ANKRD50: variants seen among roughly 807,000 people sequenced by gnomAD.
The protein encoded by ANKRD50 is ankyrin repeat domain 50, also known as ankyrin repeat domain-containing protein 50.
Under a neutral mutation model 112.0 loss-of-function variants are expected in ANKRD50, and 40 were observed. That is an observed-to-expected ratio of 0.36 (90% confidence interval 0.28 to 0.46). The LOEUF is 0.46. Ranked by LOEUF, ANKRD50 falls within the 20% of genes least tolerant of loss-of-function variation. ANKRD50 has a pLI of 1.00. For missense variants in ANKRD50, 1,487 were observed against 1,701.7 expected, an observed-to-expected ratio of 0.87 and a Z score of 2.22; for synonymous variants, 613 against 619.1, an observed-to-expected ratio of 0.99 and a Z score of 0.15.
chr4:124,687,239 T>C (rs1725026596), intron 2 of ANKRD50, among the ~76,000 whole-genome samples: 1 of 152,196 alleles, frequency 6.6e-6, no homozygotes, highest in Non-Finnish European at 1.5e-5. Context: ...GGTAATTCAA[T>C]TGAGAAAGGC....
chr4:124,668,268 A>C (rs538580685), intron 4 of ANKRD50, among the ~76,000 whole-genome samples: 1 of 152,150 alleles, frequency 6.6e-6, no homozygotes, highest in East Asian at 1.9e-4. Flanking sequence ...AGTGCCCTAA[A>C]TACCAATATT....
At chr4:124,681,552 C>G (rs1222326407) in intron 2 of ANKRD50, among the ~76,000 whole-genome samples, 1 of 152,140 alleles carries the variant, frequency 6.6e-6, no homozygotes, top group Non-Finnish European at 1.5e-5. Flanking sequence ...CTCTTAGCCA[C>G]TATGGTCCAC....
At chr4:124,705,433 A>G (rs1345115833) in intron 2 of ANKRD50, among the ~76,000 whole-genome samples, 3 of 152,224 alleles carry the variant, frequency 2.0e-5, no homozygotes, top group Non-Finnish European at 4.4e-5. Context: ...TCCTATTAAC[A>G]TTACACAGAA....
chr4:124,666,783 A>C lies in ANKRD50; in HGVS notation c.*735T>G, dbSNP rs1175073639. ...AGATGAAATTGTATCCCAGCGGATG[A>C]AATAGGACTTTGTTCTGCCTACAGA... On this transcript the variant is annotated 3_prime_UTR_variant, in exon 5 of 5. Transcript: ENST00000504087. 1 of 152,412 alleles carries C rather than the reference A, an allele frequency of 6.6e-6. No individual in the cohort carries two copies. The highest frequency in any genetic ancestry group is 1.5e-5 in the Non-Finnish European group (1 of 67,900). The allele number at this position is 152,412 out of a possible 1,614,324, so 9.4% of individuals were successfully genotyped here. A position where few individuals can be genotyped will look rare whatever the true frequency, so the allele number is the denominator to read the frequency against.
chr4:124,706,108 TATATGA>T (rs767694202), intron 2 of ANKRD50, among the ~76,000 whole-genome samples: 6 of 152,170 alleles, frequency 3.9e-5, no homozygotes, highest in Non-Finnish European at 8.8e-5. Flanking sequence ...TATTTCTCTC[TATATGA>T]ATAAGATAAA....
intron 3 of ANKRD50, among the ~76,000 whole-genome samples, chr4:124,674,520 G>GGAA (rs1730727312): frequency 6.6e-6 from 1 of 151,800 alleles, no homozygotes. Flanking sequence ...TAAAAAATGA[G>GGAA]GAACCTAAAG....
intron 2 of ANKRD50, among the ~76,000 whole-genome samples, chr4:124,687,711 T>C (rs531223409): frequency 6.6e-6 from 1 of 152,128 alleles, no homozygotes; most frequent in Non-Finnish European, 1.5e-5. Context: ...AAGATTAAAA[T>C]AGACACTTTA....
intron 2 of ANKRD50, among the ~76,000 whole-genome samples, chr4:124,686,171 T>G (rs544376459): frequency 6.6e-6 from 1 of 152,194 alleles, no homozygotes; most frequent in African/African-American, 2.4e-5. Context: ...GAATATACTA[T>G]TAGATAATAG....
At chr4:124,688,867 T>C (rs1254523776) in intron 2 of ANKRD50, among the ~76,000 whole-genome samples, 1 of 152,214 alleles carries the variant, frequency 6.6e-6, no homozygotes, top group Admixed American at 6.5e-5. Flanking sequence ...CTTGGTTCTT[T>C]AAACAGATCC....
intron 2 of ANKRD50, among the ~76,000 whole-genome samples, chr4:124,695,585 T>G (rs138471808): frequency 6.1e-4 from 93 of 152,254 alleles, no homozygotes; most frequent in Non-Finnish European, 9.6e-4. Flanking sequence ...TCTCGTAGTA[T>G]CTTGGAAACA....
At chr4:124,697,194 A>C (rs1553968324) in intron 2 of ANKRD50, among the ~76,000 whole-genome samples, 1 of 152,240 alleles carries the variant, frequency 6.6e-6, no homozygotes, top group Non-Finnish European at 1.5e-5. Flanking sequence ...GTCTAGATTC[A>C]GGGAAGAGGT....
At chr4:124,709,191 G>C (rs1331410402) in intron 2 of ANKRD50, among the ~76,000 whole-genome samples, 3 of 151,706 alleles carry the variant, frequency 2.0e-5, no homozygotes, top group Non-Finnish European at 2.9e-5. Flanking sequence ...AAGCAGAAGT[G>C]AAGCACAAAC....
At chr4:124,677,737 T>C (rs1724749451) in intron 3 of ANKRD50, among the ~76,000 whole-genome samples, 1 of 151,812 alleles carries the variant, frequency 6.6e-6, no homozygotes. Context: ...GTGTACGGAG[T>C]GTTTCATTTA....
intron 2 of ANKRD50, among the ~76,000 whole-genome samples, chr4:124,701,917 A>G (rs1001762207): frequency 5.9e-5 from 9 of 152,220 alleles, no homozygotes; most frequent in Non-Finnish European, 8.8e-5. Flanking sequence ...CAAAATTTCT[A>G]AAAACGAGAC....
chr4:124,688,336 A>G (rs1327626456), intron 2 of ANKRD50, among the ~76,000 whole-genome samples: 1 of 152,190 alleles, frequency 6.6e-6, no homozygotes, highest in Non-Finnish European at 1.5e-5. Flanking sequence ...AATAAAATTT[A>G]CATCAGTGGT....
In ANKRD50 at chr4:124,671,603, A is replaced by G; in HGVS notation, c.1674T>C (p.Leu558=). The part of the protein sequence containing the change: ...LLANAAYSGS[L]DVVNLLVSRG... ...TAGAGACAAGTAAATTGACTACATC[A>G]AGACTGCCACTATATGCAGCATTAG... Residue 558 remains leucine, a synonymous_variant, in exon 4 of 5, where the codon CTT becomes CTC. Transcript: ENST00000504087. 1 of 1,613,846 alleles carries G rather than the reference A, an allele frequency of 6.2e-7. No individual in the cohort carries two copies. Among genetic ancestry groups the G allele is most frequent in the Non-Finnish European group, 8.5e-7 (1 of 1,179,842 alleles).
intron 2 of ANKRD50, among the ~76,000 whole-genome samples, chr4:124,686,287 A>G (rs1725005495): frequency 6.6e-6 from 1 of 152,208 alleles, no homozygotes; most frequent in African/African-American, 2.4e-5. Context: ...ATAGAGTATT[A>G]GGAAGAATGT....
chr4:124,704,246 T>C (rs1305531229), intron 2 of ANKRD50, among the ~76,000 whole-genome samples: 1 of 152,214 alleles, frequency 6.6e-6, no homozygotes, highest in Non-Finnish European at 1.5e-5. Flanking sequence ...TTGACAATAC[T>C]TAAGAATAGA....
rs533681018 is a variant in ANKRD50 at position 124,680,418 on chromosome 4, G to A, written c.513-1513C>T. Among the ~76,000 whole-genome samples the A allele has an allele frequency of 3.9e-5, 6 of 152,222 alleles. No individual in the cohort carries two copies. The East Asian group carries it at 1.2e-3, about 29-fold the overall frequency. ...TGACCAACTTAAGTGCAGTAGGTAG[G>A]GAAGGAAGAGAATGTCAGAATAATA... On this transcript the variant is annotated intron_variant, in intron 2 of 4. Transcript: ENST00000504087.
Sources: allele counts gnomAD v4.1 joint callset (sites outside exome capture counted in the v4.1 genomes callset), GRCh38; gene constraint gnomAD v4.1.1; transcripts MANE v1.5; gene names NCBI Gene and HGNC (gene_info 2026-07-23, HGNC 2026-07-21).